Variants in DOCK1 observed in about 807,000 individuals in gnomAD.
The protein encoded by DOCK1 is dedicator of cytokinesis protein 1.
Under a neutral mutation model 262.7 loss-of-function variants are expected in DOCK1, and 138 were observed. The observed-to-expected ratio is 0.53, with a 90% CI of 0.46 to 0.61. The LOEUF (loss-of-function observed/expected upper bound fraction) is 0.61. Ranked by LOEUF, DOCK1 falls within the 20% of genes least tolerant of loss-of-function variation. The pLI, the probability that DOCK1 is intolerant of heterozygous loss-of-function variation, is 0.00. For synonymous variants in DOCK1, 866 were observed against 867.4 expected (o/e 1.00, Z 0.03); for missense variants, 1,908 against 2,370.7 (o/e 0.80, Z 4.05).
At chr10:127,346,253 G>A (rs1341061511) in intron 31 of DOCK1, among the ~76,000 whole-genome samples, 1 of 152,186 alleles carries the variant, frequency 6.6e-6, no homozygotes, top group Non-Finnish European at 1.5e-5. Flanking sequence ...CTGTGTGCTG[G>A]GCCCTTCCTT....
At chr10:127,133,297 G>A (rs1448071747) in intron 27 of DOCK1, among the ~76,000 whole-genome samples, 1 of 152,166 alleles carries the variant, frequency 6.6e-6, no homozygotes, top group Non-Finnish European at 1.5e-5. Context: ...ATATCCCCAT[G>A]CATGAGCATT....
At chr10:126,934,716 C>T (rs1162529845) in intron 1 of DOCK1, among the ~76,000 whole-genome samples, 1 of 146,976 alleles carries the variant, frequency 6.8e-6, no homozygotes, top group Non-Finnish European at 1.5e-5. Context: ...CTTGCTAGCA[C>T]AGCTAGTCAC....
Position 127,042,318 on chromosome 10 carries a change from C to T in DOCK1, c.2011-307C>T, listed in dbSNP as rs568745968. On this transcript the variant is annotated intron_variant, in intron 19 of 51. Transcript: ENST00000623213. ...GATGCATCTTCCCAGAGTTGCCATT[C>T]AGCGCTTTGTCACCAGCCTTATGAA... Among the ~76,000 whole-genome samples, 8 of 152,286 alleles carry T rather than the reference C, an allele frequency of 5.3e-5. No homozygotes were observed. In the South Asian group the frequency reaches 1.5e-3, roughly 28 times the overall value.
intron 46 of DOCK1, among the ~76,000 whole-genome samples, chr10:127,421,468 A>G (rs71474216): frequency 6.6e-6 from 1 of 152,224 alleles, no homozygotes; most frequent in Non-Finnish European, 1.5e-5. Context: ...GATAAAATAT[A>G]CATAACATAA....
In DOCK1 at chr10:127,416,453, A is replaced by T. The variant is rs564328688; in HGVS notation, c.4515+1215A>T. Among the ~76,000 whole-genome samples, 23 of 152,314 alleles carry T rather than the reference A, an allele frequency of 1.5e-4. No individual in the cohort carries two copies. In the East Asian group the frequency reaches 3.7e-3, roughly 24 times the overall value. On this transcript the variant is annotated intron_variant, in intron 44 of 51. Coordinates refer to ENST00000623213, the MANE Select transcript of DOCK1 (RefSeq NM_001290223.2). ...CCTTTGTAATCGGGGCCTGCCAGCC[A>T]ACAGCTGCCGGATGCAGGAGCTTAG...
intron 27 of DOCK1, among the ~76,000 whole-genome samples, chr10:127,208,460 T>A (rs1315034478): frequency 6.6e-6 from 1 of 152,224 alleles, no homozygotes; most frequent in Non-Finnish European, 1.5e-5. Context: ...TAGTTTCCTG[T>A]ATTGATGGTT....
chr10:127,434,489 C>T (rs538824325), intron 48 of DOCK1, among the ~76,000 whole-genome samples: 3 of 152,082 alleles, frequency 2.0e-5, no homozygotes, highest in East Asian at 1.9e-4. Flanking sequence ...ACGTTCACAT[C>T]GCTGTGCAGC....
At chr10:127,039,454 C>T (rs1170308228) in intron 19 of DOCK1, among the ~76,000 whole-genome samples, 1 of 152,116 alleles carries the variant, frequency 6.6e-6, no homozygotes, top group Non-Finnish European at 1.5e-5. Context: ...TCCCCCATTC[C>T]CCTCATCTCA....
At chr10:127,153,946 C>T in intron 27 of DOCK1, 1 of 1,600,642 alleles carries the variant, frequency 6.2e-7, no homozygotes, top group Non-Finnish European at 8.6e-7. Flanking sequence ...AACAGGAGAG[C>T]ATTACAAGCG....
chr10:127,162,982 A>T (rs894391278), intron 27 of DOCK1, among the ~76,000 whole-genome samples: 1 of 152,122 alleles, frequency 6.6e-6, no homozygotes. Context: ...CTTCCATGGG[A>T]CTGTTCTAAC....
intron 27 of DOCK1, among the ~76,000 whole-genome samples, chr10:127,164,778 T>C (rs1307377540): frequency 6.6e-6 from 1 of 152,242 alleles, no homozygotes; most frequent in Non-Finnish European, 1.5e-5. Flanking sequence ...GTGTGTGGAC[T>C]GCCTGGCTAT....
chr10:127,417,777 T>A (rs1044833396), intron 44 of DOCK1, among the ~76,000 whole-genome samples: 4 of 152,128 alleles, frequency 2.6e-5, no homozygotes, highest in South Asian at 4.1e-4. Flanking sequence ...GGTTTTGCTA[T>A]GTTGGCCAGG....
intron 18 of DOCK1, 27 bp from the exon 19 acceptor site, chr10:127,037,692 G>T: frequency 6.5e-7 from 1 of 1,549,092 alleles, no homozygotes; most frequent in Non-Finnish European, 8.7e-7. Context: ...TGCTTGTGAA[G>T]ATCTGATTGT....
intron 45 of DOCK1, among the ~76,000 whole-genome samples, chr10:127,419,159 A>G (rs1426937439): frequency 6.6e-6 from 1 of 152,188 alleles, no homozygotes; most frequent in African/African-American, 2.4e-5. Flanking sequence ...AACACCTAAA[A>G]TGTTTACCAT....
intron 4 of DOCK1, among the ~76,000 whole-genome samples, chr10:126,985,449 C>T (rs553642769): frequency 1.3e-5 from 2 of 152,244 alleles, no homozygotes; most frequent in South Asian, 4.2e-4. Flanking sequence ...TGCCAGCTGG[C>T]ACATTAATCC....
chr10:126,942,192 T>A (rs2035066546), intron 1 of DOCK1, among the ~76,000 whole-genome samples: 2 of 152,048 alleles, frequency 1.3e-5, no homozygotes, highest in Non-Finnish European at 2.9e-5. Context: ...CCCGGCTAAT[T>A]TTTTGTACTT....
Position 127,175,927 on chromosome 10 carries a change from C to G in DOCK1, c.2847+48163C>G. 6.2e-7 allele frequency: 1 copy of G among 1,614,240 alleles called. No homozygotes were observed. Among genetic ancestry groups the G allele is most frequent in the Non-Finnish European group, 8.5e-7 (1 of 1,180,052 alleles). Reference sequence around the variant, plus strand: ...CCCGCGCCACATGGCCGGGCCTCCTCCATGGGTCCAGCCTCGTTCTTCTCT... The same window carrying G: ...CCCGCGCCACATGGCCGGGCCTCCTGCATGGGTCCAGCCTCGTTCTTCTCT... On this transcript the variant is annotated intron_variant, in intron 27 of 51. Transcript: ENST00000623213. The surrounding 1 kb of genome is among the most constrained non-coding windows in gnomAD (Gnocchi z 6.3).
At chr10:127,107,971 G>C (rs1047882812) in intron 24 of DOCK1, among the ~76,000 whole-genome samples, 7 of 152,310 alleles carry the variant, frequency 4.6e-5, no homozygotes, top group Admixed American at 3.9e-4. Flanking sequence ...CCGATGGAGG[G>C]TATCATTGAC....
chr10:127,382,666 G>A (rs1308264088), intron 37 of DOCK1, among the ~76,000 whole-genome samples: 2 of 152,188 alleles, frequency 1.3e-5, no homozygotes, highest in Non-Finnish European at 2.9e-5. Flanking sequence ...AATTTCAGTA[G>A]CAAGGTGTTT....
Sources: gnomAD v4.1 joint callset for allele counts (sites outside exome capture counted in the v4.1 genomes callset) on GRCh38, gnomAD v4.1.1 for gene constraint, Gnocchi (gnomAD v3.1) non-coding constraint, MANE v1.5 for transcripts, NCBI Gene and HGNC (gene_info 2026-07-23, HGNC 2026-07-21) for gene names.